Variants in MSH3 observed in about 807,000 individuals in gnomAD.
The protein encoded by MSH3 is mutS homolog 3, also known as DNA mismatch repair protein Msh3.
Under a neutral mutation model 123.3 loss-of-function variants are expected in MSH3, and 106 were observed. That is an observed-to-expected ratio of 0.86 (90% CI 0.73 to 1.01). MSH3 has a LOEUF of 1.01. Ranked by LOEUF, MSH3 falls within the 50% of genes least tolerant of loss-of-function variation. The probability of loss-of-function intolerance (pLI) is 0.00; values close to 1 mark genes in which losing one functional copy is unlikely to be tolerated. For missense variants in MSH3, 1,459 were observed against 1,347.6 expected (o/e 1.08, Z -1.29); for synonymous variants, 515 against 481.4 (o/e 1.07, Z -0.91).
At chr5:80,707,490 A>G (rs1033121365) in intron 8 of MSH3, among the ~76,000 whole-genome samples, 5 of 152,128 alleles carry the variant, frequency 3.3e-5, no homozygotes, top group African/African-American at 1.2e-4. Flanking sequence ...TGGGAGGCCA[A>G]GGTGGGAGGA....
At chr5:80,772,416 G>A (rs1744228504) in intron 15 of MSH3, among the ~76,000 whole-genome samples, 1 of 152,188 alleles carries the variant, frequency 6.6e-6, no homozygotes, top group Admixed American at 6.5e-5. Context: ...TTTCTGGAGT[G>A]AGTAAGAGTT....
At chr5:80,760,840 T>C (rs1744020086) in intron 12 of MSH3, among the ~76,000 whole-genome samples, 1 of 152,136 alleles carries the variant, frequency 6.6e-6, no homozygotes. Context: ...CAGGAAGTTT[T>C]TATGGGCCAG....
chr5:80,667,500 G>A (rs1749597948), intron 3 of MSH3, among the ~76,000 whole-genome samples: 1 of 152,142 alleles, frequency 6.6e-6, no homozygotes, highest in Admixed American at 6.5e-5. Flanking sequence ...CCTCCCACTC[G>A]GCCTGGCAGG....
intron 19 of MSH3, among the ~76,000 whole-genome samples, chr5:80,806,372 C>G (rs1744891991): frequency 6.6e-6 from 1 of 152,348 alleles, no homozygotes; most frequent in East Asian, 1.9e-4. Flanking sequence ...GCTGGGATTA[C>G]ATGCGTGAGC....
chr5:80,708,183 A>T (rs566657874), intron 8 of MSH3, among the ~76,000 whole-genome samples: 8 of 152,276 alleles, frequency 5.3e-5, no homozygotes, highest in Non-Finnish European at 1.0e-4. Context: ...TATGGTTACT[A>T]GTGCTTTTTG....
At chr5:80,718,967 A>G (rs1751019697) in intron 8 of MSH3, among the ~76,000 whole-genome samples, 1 of 151,974 alleles carries the variant, frequency 6.6e-6, no homozygotes, top group African/African-American at 2.4e-5. Flanking sequence ...GTCTAGGATC[A>G]TCTTAAACAT....
intron 8 of MSH3, among the ~76,000 whole-genome samples, chr5:80,713,999 A>T (rs1750906688): frequency 6.6e-6 from 1 of 152,048 alleles, no homozygotes; most frequent in African/African-American, 2.4e-5. Context: ...TTACCCTTTA[A>T]TTTTTCAAAA....
chr5:80,812,371 T>C (rs1472423417), intron 19 of MSH3, among the ~76,000 whole-genome samples: 1 of 152,208 alleles, frequency 6.6e-6, no homozygotes. Flanking sequence ...TTACCCCTGG[T>C]CTAAATAATT....
intron 19 of MSH3, among the ~76,000 whole-genome samples, chr5:80,799,873 T>C (rs758711493): frequency 4.6e-5 from 7 of 152,222 alleles, no homozygotes; most frequent in Admixed American, 2.0e-4. Flanking sequence ...CCCTGTGACA[T>C]TGTTGTAAGA....
intron 20 of MSH3, among the ~76,000 whole-genome samples, chr5:80,853,424 G>A (rs547081899): frequency 4.0e-5 from 6 of 151,700 alleles, no homozygotes; most frequent in East Asian, 3.9e-4. Context: ...GTAGTGAGCC[G>A]AGAGCATGCC....
intron 11 of MSH3, among the ~76,000 whole-genome samples, chr5:80,743,964 T>C (rs1327260963): frequency 6.6e-6 from 1 of 152,122 alleles, no homozygotes; most frequent in African/African-American, 2.4e-5. Flanking sequence ...ATTAATTATG[T>C]CTAGTTAATT....
rs552787503 is a variant in MSH3, at chr5:80,692,590, A to C, written c.1340+13497A>C. Reference sequence around the variant, plus strand: ...TATATGTTTATATAGAGAGATAAACATGTATATGTTTATATAGATGAATAT... The same window carrying C: ...TATATGTTTATATAGAGAGATAAACCTGTATATGTTTATATAGATGAATAT... On this transcript the variant is annotated intron_variant, in intron 8 of 23. Transcript: ENST00000265081. Among the ~76,000 whole-genome samples, 83 of 145,030 alleles carry C rather than the reference A, an allele frequency of 5.7e-4. 3 individuals carry two copies. The highest frequency in any genetic ancestry group is 2.1e-3 in the African/African-American group (81 of 38,964).
chr5:80,728,532 C>CAT (rs1743344339), intron 9 of MSH3, among the ~76,000 whole-genome samples: 2 of 152,090 alleles, frequency 1.3e-5, no homozygotes, highest in Admixed American at 6.5e-5. Flanking sequence ...ACATCCTTGA[C>CAT]ATGCAGTTTG....
chr5:80,836,496 C>T (rs1459995394), intron 20 of MSH3, among the ~76,000 whole-genome samples: 2 of 134,412 alleles, frequency 1.5e-5, no homozygotes, highest in Admixed American at 8.4e-5. Context: ...ACCATGAGAA[C>T]ACACAGAGGA....
chr5:80,871,129 A>C (rs1746206078), intron 22 of MSH3, among the ~76,000 whole-genome samples: 2 of 152,246 alleles, frequency 1.3e-5, no homozygotes, highest in Admixed American at 1.3e-4. Context: ...ATTTGCATTC[A>C]GGAGGTTCAT....
At chr5:80,665,872 T>C (rs1044198274) in intron 3 of MSH3, among the ~76,000 whole-genome samples, 7 of 152,202 alleles carry the variant, frequency 4.6e-5, no homozygotes, top group Non-Finnish European at 8.8e-5. Context: ...AATCAGGGAA[T>C]TTAACTCATG....
intron 17 of MSH3, among the ~76,000 whole-genome samples, chr5:80,784,760 G>C (rs965184322): frequency 6.6e-6 from 1 of 152,126 alleles, no homozygotes; most frequent in Non-Finnish European, 1.5e-5. Context: ...TTTTGTGTTT[G>C]TGGTTTTGCA....
intron 8 of MSH3, among the ~76,000 whole-genome samples, chr5:80,688,837 A>T (rs1750158211): frequency 6.6e-6 from 1 of 152,080 alleles, no homozygotes; most frequent in African/African-American, 2.4e-5. Flanking sequence ...ACGAAATGTT[A>T]TTAAGTGGTC....
chr5:80,844,582 C>T (rs1745685912), intron 20 of MSH3, among the ~76,000 whole-genome samples: 1 of 152,124 alleles, frequency 6.6e-6, no homozygotes, highest in African/African-American at 2.4e-5. Flanking sequence ...TCTGGATGCT[C>T]CTGTATTGGG....
Sources: allele counts gnomAD v4.1 joint callset (sites outside exome capture counted in the v4.1 genomes callset), GRCh38; gene constraint gnomAD v4.1.1; transcripts MANE v1.5; gene names NCBI Gene and HGNC (gene_info 2026-07-23, HGNC 2026-07-21).